Variants in OCA2 observed in about 807,000 individuals in gnomAD.
OCA2 encodes the protein P protein.
Under a neutral mutation model 100.2 loss-of-function variants are expected in OCA2, and 77 were observed. That is an observed-to-expected ratio of 0.77 (90% CI 0.64 to 0.93). The LOEUF (loss-of-function observed/expected upper bound fraction) is 0.93, where lower values mean the gene tolerates loss of function less well. Ranked by LOEUF, OCA2 falls within the 40% of genes least tolerant of loss-of-function variation. The pLI, the probability that OCA2 is intolerant of heterozygous loss-of-function variation, is 0.00. For synonymous variants in OCA2, 432 were observed against 439.2 expected (o/e 0.98, Z 0.21); for missense variants, 1,062 against 1,089.1 (o/e 0.98, Z 0.35).
chr15:27,719,446 G>C, the OCA2 span, among the ~76,000 whole-genome samples: 1 of 152,046 alleles, frequency 6.6e-6, no homozygotes, highest in Non-Finnish European at 1.5e-5. Context: ...TGGGGGCTAG[G>C]GTTTCAACAT....
chr15:28,051,456 C>G (rs2043511336), intron 2 of OCA2, among the ~76,000 whole-genome samples: 1 of 152,022 alleles, frequency 6.6e-6, no homozygotes, highest in Non-Finnish European at 1.5e-5. Flanking sequence ...CCACGTCCAC[C>G]TAATTTTGTT....
At chr15:28,017,720 G>A (rs1303534791) in intron 7 of OCA2, among the ~76,000 whole-genome samples, 4 of 151,962 alleles carry the variant, frequency 2.6e-5, no homozygotes, top group South Asian at 2.1e-4. Context: ...GTGCATGGGC[G>A]GGGTTTCCCT....
intron 9 of OCA2, among the ~76,000 whole-genome samples, chr15:28,000,224 A>G (rs1359833911): frequency 6.6e-6 from 1 of 152,234 alleles, no homozygotes; most frequent in Non-Finnish European, 1.5e-5. Flanking sequence ...TTACACATCT[A>G]TAGCAATCAA....
intron 19 of OCA2, among the ~76,000 whole-genome samples, chr15:27,896,966 G>A (rs928160190): frequency 3.9e-5 from 6 of 152,224 alleles, no homozygotes; most frequent in South Asian, 2.1e-4. Context: ...CGAGGTGGGC[G>A]GATTACGAGG....
intron 18 of OCA2, among the ~76,000 whole-genome samples, chr15:27,928,801 A>G (rs1383770911): frequency 6.6e-6 from 1 of 152,062 alleles, no homozygotes; most frequent in African/African-American, 2.4e-5. Context: ...TGGCTCTTCT[A>G]TCTTTCACTT....
chr15:28,016,303 A>T (rs2042391986), intron 7 of OCA2, 117 bp from the exon 8 acceptor site: 3 of 816,856 alleles, frequency 3.7e-6, no homozygotes, highest in Non-Finnish European at 6.4e-6. Context: ...AGAAAGAAAC[A>T]GGAGAGCATC....
intron 19 of OCA2, among the ~76,000 whole-genome samples, chr15:27,913,871 G>GAAAGAAAGAAAGAA (rs1567097938): frequency 6.0e-5 from 3 of 50,208 alleles, no homozygotes; most frequent in Admixed American, 5.2e-4. Flanking sequence ...AAGAAAGAAA[G>GAAAGAAAGAAAGAA]AAAGAAAGAA....
intron 19 of OCA2, among the ~76,000 whole-genome samples, chr15:27,904,758 C>A (rs967510807): frequency 6.6e-6 from 1 of 152,104 alleles, no homozygotes; most frequent in African/African-American, 2.4e-5. Flanking sequence ...ATTCCCAGCA[C>A]CCCCCACCTC....
chr15:28,068,133 G>A (rs1313414390), intron 2 of OCA2, among the ~76,000 whole-genome samples: 1 of 152,156 alleles, frequency 6.6e-6, no homozygotes, highest in Non-Finnish European at 1.5e-5. Flanking sequence ...TTTATCTGAT[G>A]TAGGAATAGA....
chr15:27,765,822 A>T (rs1162364630), intron 23 of OCA2, among the ~76,000 whole-genome samples: 1 of 152,248 alleles, frequency 6.6e-6, no homozygotes, highest in South Asian at 2.1e-4. Context: ...GAGCAGTGCG[A>T]ACAATCAGAG....
chr15:27,924,189 G>A (rs2038965455), intron 19 of OCA2, among the ~76,000 whole-genome samples: 1 of 151,860 alleles, frequency 6.6e-6, no homozygotes, highest in African/African-American at 2.4e-5. Context: ...CTTATTTCTG[G>A]GCTCTCTGTT....
intron 19 of OCA2, among the ~76,000 whole-genome samples, chr15:27,886,096 G>A (rs775309004): frequency 5.3e-5 from 8 of 152,132 alleles, no homozygotes; most frequent in Non-Finnish European, 1.0e-4. Flanking sequence ...AGCATCCCAC[G>A]TAGAGGTGAC....
chr15:27,977,451 C>G (rs2041006662), intron 14 of OCA2, among the ~76,000 whole-genome samples: 1 of 152,088 alleles, frequency 6.6e-6, no homozygotes, highest in Non-Finnish European at 1.5e-5. Context: ...TATGTGTTGT[C>G]TATGGCTGCT....
chr15:27,871,068 T>C, intron 21 of OCA2, 86 bp downstream of exon 21: 2 of 992,552 alleles, frequency 2.0e-6, no homozygotes, highest in Non-Finnish European at 3.2e-6. Flanking sequence ...GCAGGCTTCA[T>C]CCTCTGCTGC....
intron 19 of OCA2, among the ~76,000 whole-genome samples, chr15:27,901,034 T>C (rs761556002): frequency 2.6e-5 from 4 of 152,240 alleles, no homozygotes; most frequent in Admixed American, 6.5e-5. Flanking sequence ...TGGTATTTTG[T>C]TGCTTCTCTT....
chr15:28,053,561 G>T (rs1211087505), intron 2 of OCA2, among the ~76,000 whole-genome samples: 1 of 152,154 alleles, frequency 6.6e-6, no homozygotes, highest in Non-Finnish European at 1.5e-5. Flanking sequence ...TCCACTCAGG[G>T]CTACTACCAT....
intron 23 of OCA2, among the ~76,000 whole-genome samples, chr15:27,831,742 A>C (rs939158998): frequency 2.6e-5 from 4 of 152,178 alleles, no homozygotes; most frequent in African/African-American, 9.6e-5. Context: ...TGAGAGGTGG[A>C]GAGAGCACAG....
At chr15:27,775,997 G>T (rs1199680855) in intron 23 of OCA2, among the ~76,000 whole-genome samples, 1 of 152,220 alleles carries the variant, frequency 6.6e-6, no homozygotes, top group South Asian at 2.1e-4. Flanking sequence ...TTTGCCATGT[G>T]CCCTTGAACG....
chr15:27,782,552 C>T (rs572123981), intron 23 of OCA2, among the ~76,000 whole-genome samples: 2 of 152,312 alleles, frequency 1.3e-5, no homozygotes, highest in South Asian at 4.1e-4. Context: ...TACTGGCAGT[C>T]ATCTCTTTTA....
Sources: allele counts gnomAD v4.1 joint callset (sites outside exome capture counted in the v4.1 genomes callset), GRCh38; gene constraint gnomAD v4.1.1; transcripts MANE v1.5; gene names NCBI Gene and HGNC (gene_info 2026-07-23, HGNC 2026-07-21).